CSMD1: variants seen among roughly 807,000 people sequenced by gnomAD.
The protein encoded by CSMD1 is CUB and Sushi multiple domains 1, also known as CUB and sushi domain-containing protein 1.
A neutral mutation model predicts 417.5 loss-of-function variants in CSMD1; 213 were observed. The observed-to-expected ratio is 0.51, with a 90% CI of 0.46 to 0.57. The LOEUF (loss-of-function observed/expected upper bound fraction) is 0.57. CSMD1 is among the 20% of genes least tolerant of loss of function. CSMD1 has a pLI of 0.00. For missense variants in CSMD1, 6,923 were observed against 4,529.7 expected, an observed-to-expected ratio of 1.53 and a Z score of -15.17; for synonymous variants, 2,862 against 1,736.8, an observed-to-expected ratio of 1.65 and a Z score of -16.11.
At chr8:4,136,235 T>C (rs564505231) in intron 3 of CSMD1, among the ~76,000 whole-genome samples, 85 of 152,194 alleles carry the variant, frequency 5.6e-4, no homozygotes, top group Non-Finnish European at 5.7e-4. Context: ...AAATGAACTA[T>C]TGAACCAGAC....
intron 49 of CSMD1, among the ~76,000 whole-genome samples, chr8:3,074,327 C>T (rs972998027): frequency 6.6e-6 from 1 of 152,220 alleles, no homozygotes; most frequent in Non-Finnish European, 1.5e-5. Context: ...TGAGCACATT[C>T]TCCCTTCCTG....
At chr8:3,943,573 G>C (rs532882854) in intron 5 of CSMD1, among the ~76,000 whole-genome samples, 14 of 152,056 alleles carry the variant, frequency 9.2e-5, no homozygotes, top group African/African-American at 2.7e-4. Context: ...TTTACAAAAA[G>C]AAAAATAGTG....
chr8:4,332,001 T>C (rs926953245), intron 3 of CSMD1, among the ~76,000 whole-genome samples: 7 of 152,070 alleles, frequency 4.6e-5, no homozygotes, highest in Non-Finnish European at 4.4e-5. Context: ...AAATGCTGAG[T>C]AATTTACTCA....
At chr8:4,098,769 A>G (rs1377791067) in intron 3 of CSMD1, among the ~76,000 whole-genome samples, 2 of 152,324 alleles carry the variant, frequency 1.3e-5, no homozygotes, top group East Asian at 1.9e-4. Flanking sequence ...AGACAGGGAT[A>G]GAATTGCAGT....
At chr8:4,014,168 A>T (rs954232961) in intron 4 of CSMD1, among the ~76,000 whole-genome samples, 30 of 152,348 alleles carry the variant, frequency 2.0e-4, no homozygotes, top group African/African-American at 7.0e-4. Flanking sequence ...TCATAACATT[A>T]GAAATGCATT....
chr8:4,717,299 C>A (rs1461964872), intron 1 of CSMD1, among the ~76,000 whole-genome samples: 2 of 128,474 alleles, frequency 1.6e-5, no homozygotes, highest in Non-Finnish European at 3.1e-5. Context: ...GCCCTTCTCT[C>A]TCTCTCTCTC....
chr8:3,592,401 C>T (rs537092689), intron 8 of CSMD1, among the ~76,000 whole-genome samples: 2 of 152,104 alleles, frequency 1.3e-5, no homozygotes, highest in Admixed American at 1.3e-4. Context: ...AGAAAAAATA[C>T]ATTAGGTAAA....
At chr8:4,773,460 G>C (rs923281868) in intron 1 of CSMD1, among the ~76,000 whole-genome samples, 4 of 152,134 alleles carry the variant, frequency 2.6e-5, no homozygotes, top group Admixed American at 2.0e-4. Context: ...GCACCCCAGA[G>C]CAGCACAGAG....
At chr8:3,363,874 C>A (rs1038850531) in intron 20 of CSMD1, among the ~76,000 whole-genome samples, 1 of 152,086 alleles carries the variant, frequency 6.6e-6, no homozygotes, top group Non-Finnish European at 1.5e-5. Context: ...TAGTAGCAGA[C>A]AATGTTATGT....
At chr8:4,899,435 T>C (rs1434346449) in intron 1 of CSMD1, among the ~76,000 whole-genome samples, 1 of 152,158 alleles carries the variant, frequency 6.6e-6, no homozygotes, top group African/African-American at 2.4e-5. Flanking sequence ...TTTTAGGTAA[T>C]TGAGAATTAA....
chr8:3,431,828 A>AGG (rs1814234483), intron 12 of CSMD1, among the ~76,000 whole-genome samples: 1 of 152,204 alleles, frequency 6.6e-6, no homozygotes, highest in African/African-American at 2.4e-5. Context: ...TTTATTCCAT[A>AGG]CAATTGTCAT....
chr8:3,230,949 G>C (rs28523397), intron 26 of CSMD1, among the ~76,000 whole-genome samples: 2 of 151,944 alleles, frequency 1.3e-5, no homozygotes, highest in Non-Finnish European at 2.9e-5. Context: ...GTGCTTTCAG[G>C]GGCCACTGGA....
intron 2 of CSMD1, among the ~76,000 whole-genome samples, chr8:4,518,622 G>A (rs192322622): frequency 1.5e-5 from 2 of 136,082 alleles, no homozygotes; most frequent in African/African-American, 2.6e-5. Context: ...GCTGTGGGGT[G>A]GGGGGCGGGG....
At chr8:3,635,330 C>T (rs972391838) in intron 7 of CSMD1, among the ~76,000 whole-genome samples, 3 of 152,008 alleles carry the variant, frequency 2.0e-5, no homozygotes, top group African/African-American at 4.8e-5. Flanking sequence ...AAAAATTAGC[C>T]AGGCAAAGTG....
intron 41 of CSMD1, among the ~76,000 whole-genome samples, chr8:3,135,755 G>C (rs567851958): frequency 7.9e-5 from 12 of 152,260 alleles, no homozygotes; most frequent in African/African-American, 2.6e-4. Context: ...CATAGTCTCT[G>C]TCCACCTGGC....
At chr8:3,935,419 G>A (rs536816333) in intron 5 of CSMD1, among the ~76,000 whole-genome samples, 1 of 152,054 alleles carries the variant, frequency 6.6e-6, no homozygotes, top group Admixed American at 6.6e-5. Flanking sequence ...CAAATAACTG[G>A]GTTTTTGAAA....
chr8:4,965,442 T>C (rs1809796279), intron 1 of CSMD1, among the ~76,000 whole-genome samples: 1 of 152,222 alleles, frequency 6.6e-6, no homozygotes. Flanking sequence ...ATAGATGAGT[T>C]GTCTCAGTGA....
At chr8:3,853,449 G>T (rs982767399) in intron 5 of CSMD1, among the ~76,000 whole-genome samples, 1 of 152,136 alleles carries the variant, frequency 6.6e-6, no homozygotes, top group Non-Finnish European at 1.5e-5. Context: ...CCAGGAAATG[G>T]TAAACTCTGT....
chr8:3,064,085 G>A (rs140167905), intron 49 of CSMD1, among the ~76,000 whole-genome samples: 117 of 152,328 alleles, frequency 7.7e-4, no homozygotes, highest in African/African-American at 2.6e-3. Context: ...ATTTACAGGT[G>A]AAGAAATGAA....
Sources: gnomAD v4.1 joint callset for allele counts (sites outside exome capture counted in the v4.1 genomes callset) on GRCh38, gnomAD v4.1.1 for gene constraint, MANE v1.5 for transcripts, NCBI Gene and HGNC (gene_info 2026-07-23, HGNC 2026-07-21) for gene names.